The following CFAP20DC variants were observed in gnomAD, a reference collection of about 807,000 sequenced individuals.
CFAP20DC encodes the protein protein CFAP20DC.
CFAP20DC carries 84 observed loss-of-function variants against 101.7 expected under a neutral mutation model. The observed-to-expected ratio is 0.83, with a 90% CI of 0.69 to 0.99. The LOEUF (loss-of-function observed/expected upper bound fraction) is 0.99, where lower values mean the gene tolerates loss of function less well. Ranked by LOEUF, CFAP20DC falls within the 50% of genes least tolerant of loss-of-function variation. CFAP20DC has a pLI of 0.00. For synonymous variants in CFAP20DC, 359 were observed against 351.2 expected (o/e 1.02, Z -0.25); for missense variants, 1,007 against 970.3 (o/e 1.04, Z -0.50).
rs115601111 is a variant in CFAP20DC, at chr3:58,836,481, G to A, written c.1972-4592C>T. ...GAACCAGTTCTGCTAAACATTGGGTGACACAAGGCTAAATCTACAGTGGAG... is the reference window on the plus strand; with the variant it reads ...GAACCAGTTCTGCTAAACATTGGGTAACACAAGGCTAAATCTACAGTGGAG... On this transcript the variant is annotated intron_variant, in intron 13 of 16. Transcript: ENST00000482387. Among the ~76,000 whole-genome samples the A allele has an allele frequency of 2.0e-3, 312 of 152,270 alleles. 3 individuals carry two copies. The highest frequency in any genetic ancestry group is 7.3e-3 in the African/African-American group (304 of 41,558).
intron 12 of CFAP20DC, chr3:58,862,012 CT>C: frequency 4.1e-6 from 4 of 985,324 alleles, no homozygotes; most frequent in Non-Finnish European, 4.8e-6. Context: ...AGCTAGTATT[CT>C]TCATTTTCCC....
chr3:58,854,775 C>T lies in CFAP20DC; in HGVS notation c.1594-5366G>A, dbSNP rs1303855694. On this transcript the variant is annotated intron_variant, in intron 12 of 16. Coordinates refer to ENST00000482387, the MANE Select transcript of CFAP20DC (RefSeq NM_001394063.1). ...TAATAAATGGTGCTGGGAAAACTGG[C>T]TAGCCATATGTAGAAAGCTGAAACT... 1.3e-4 allele frequency among the ~76,000 whole-genome samples: 19 copies of T among 150,332 alleles called. No homozygotes were observed. The East Asian group carries it at 3.7e-3, about 29-fold the overall frequency.
At chr3:58,858,251 T>C (rs1429597962) in intron 12 of CFAP20DC, among the ~76,000 whole-genome samples, 1 of 152,186 alleles carries the variant, frequency 6.6e-6, no homozygotes, top group African/African-American at 2.4e-5. Flanking sequence ...CTCAGAAACA[T>C]TTGTTTGTTA....
chr3:58,790,929 G>A (rs1312794620), intron 15 of CFAP20DC, among the ~76,000 whole-genome samples: 2 of 152,088 alleles, frequency 1.3e-5, no homozygotes, highest in Admixed American at 1.3e-4. Flanking sequence ...AATTCAAGAG[G>A]TATTTTATGA....
intron 12 of CFAP20DC, among the ~76,000 whole-genome samples, chr3:58,854,139 T>TA (rs2078530930): frequency 1.3e-5 from 2 of 152,124 alleles, no homozygotes; most frequent in African/African-American, 4.8e-5. Flanking sequence ...CAGCAAAGTC[T>TA]CAGGATACAA....
chr3:58,831,497 T>C (rs1314224300), intron 14 of CFAP20DC, among the ~76,000 whole-genome samples, 189 bp downstream of exon 14: 1 of 152,234 alleles, frequency 6.6e-6, no homozygotes, highest in Non-Finnish European at 1.5e-5. Flanking sequence ...AATAAGACAA[T>C]TTAAGAAAAG....
intron 14 of CFAP20DC, 47 bp from the exon 15 acceptor site, chr3:58,806,503 T>C: frequency 7.3e-7 from 1 of 1,362,482 alleles, no homozygotes; most frequent in Non-Finnish European, 1.1e-6. Context: ...CACAAAGCTG[T>C]TTACATAGAC....
At chr3:58,909,303 C>T (rs1343248347) in intron 6 of CFAP20DC, among the ~76,000 whole-genome samples, 1 of 151,884 alleles carries the variant, frequency 6.6e-6, no homozygotes, top group East Asian at 1.9e-4. Flanking sequence ...TTACTATGAG[C>T]CTAAAACTGC....
intron 4 of CFAP20DC, among the ~76,000 whole-genome samples, chr3:58,955,061 T>C (rs1206492666): frequency 6.6e-6 from 1 of 151,680 alleles, no homozygotes; most frequent in African/African-American, 2.4e-5. Context: ...TTGTGTAAAA[T>C]TCAATGATTT....
At chr3:59,025,905 T>A (rs778278191) in intron 4 of CFAP20DC, among the ~76,000 whole-genome samples, 3 of 152,122 alleles carry the variant, frequency 2.0e-5, no homozygotes, top group Non-Finnish European at 4.4e-5. Flanking sequence ...AAAAATAATT[T>A]AGAAAAGTAA....
rs1029116060 is a variant in CFAP20DC, at chr3:58,899,536, GTC to G, written c.550+14170_550+14171del. On this transcript the variant is annotated intron_variant, in intron 6 of 16. Transcript: ENST00000482387. This position sits in a 1 kb window ranked among gnomAD's most constrained non-coding sequence, Gnocchi z 5.0. The stretch of plus-strand genomic sequence containing the variant: ...GGGGTGGAGTATGCAAAACTCCTGG[GTC>G]TCTGTGTGTGCCTGAGTGGCTGCTC... Among the ~76,000 whole-genome samples, 1 of 152,172 alleles carries G rather than the reference GTC, an allele frequency of 6.6e-6. No individual in the cohort carries two copies. Among genetic ancestry groups the G allele is most frequent in the African/African-American group, 2.4e-5 (1 of 41,450 alleles).
chr3:58,850,653 T>C (rs2078145937), intron 12 of CFAP20DC, among the ~76,000 whole-genome samples: 1 of 149,314 alleles, frequency 6.7e-6, no homozygotes. Context: ...AAATATATAA[T>C]AAATGGATGT....
At chr3:58,928,545 TAGTA>T (rs1240220063) in intron 5 of CFAP20DC, among the ~76,000 whole-genome samples, 1 of 152,184 alleles carries the variant, frequency 6.6e-6, no homozygotes, top group Non-Finnish European at 1.5e-5. Flanking sequence ...CTCACAAAAC[TAGTA>T]AGTATCAGAA....
rs1240515950 is a variant in CFAP20DC at position 58,724,096 on chromosome 3, A to G, written c.198-6468T>C. ...AATCCCTTTGAAAGGAGGGTGCTCC[A>G]TGCTGTGGAGGGGCCTGGGGAATTC... On this transcript the variant is annotated intron_variant, in intron 3 of 3. Transcript: ENST00000486145. This position sits in a 1 kb window ranked among gnomAD's most constrained non-coding sequence, Gnocchi z 5.6. Among the ~76,000 whole-genome samples the G allele has an allele frequency of 5.3e-5, 8 of 152,158 alleles. No homozygotes were observed. The highest frequency in any genetic ancestry group is 1.4e-4 in the African/African-American group (6 of 41,448).
chr3:58,812,886 T>C (rs2074780774), intron 14 of CFAP20DC, among the ~76,000 whole-genome samples: 1 of 151,824 alleles, frequency 6.6e-6, no homozygotes, highest in African/African-American at 2.4e-5. Flanking sequence ...ATTTTCCTCT[T>C]TGTGGAATTT....
intron 6 of CFAP20DC, among the ~76,000 whole-genome samples, chr3:58,911,794 C>T (rs2107363354): frequency 6.6e-6 from 1 of 152,202 alleles, no homozygotes; most frequent in Admixed American, 6.5e-5. Context: ...CAAAAGCTCT[C>T]TGATTCAGTT....
chr3:58,849,437 T>A, intron 12 of CFAP20DC, 28 bp from the exon 13 acceptor site: 1 of 1,471,298 alleles, frequency 6.8e-7, no homozygotes, highest in Non-Finnish European at 8.9e-7. Flanking sequence ...GTAAAAATAA[T>A]TTTGAGCAGA....
chr3:58,954,913 C>T (rs1439436815), intron 4 of CFAP20DC, among the ~76,000 whole-genome samples: 1 of 151,578 alleles, frequency 6.6e-6, no homozygotes, highest in African/African-American at 2.4e-5. Context: ...TTAAAAACAG[C>T]TTTATTTCAG....
chr3:58,949,841 T>C (rs533061752), intron 4 of CFAP20DC, among the ~76,000 whole-genome samples: 40 of 152,256 alleles, frequency 2.6e-4, no homozygotes, highest in Non-Finnish European at 5.1e-4. Flanking sequence ...ACTGGAAGCA[T>C]TCCCTTTGAA....
Sources: allele counts gnomAD v4.1 joint callset (sites outside exome capture counted in the v4.1 genomes callset), GRCh38; gene constraint gnomAD v4.1.1; non-coding constraint Gnocchi (gnomAD v3.1); transcripts MANE v1.5; gene names NCBI Gene and HGNC (gene_info 2026-07-23, HGNC 2026-07-21).